HECW2: variants seen among roughly 807,000 people sequenced by gnomAD.
The protein encoded by HECW2 is HECT, C2 and WW domain containing E3 ubiquitin protein ligase 2.
In HECW2, 61 loss-of-function variants were observed where a neutral mutation model predicts 175.2. The observed-to-expected ratio is 0.35, with a 90% CI of 0.28 to 0.43. The LOEUF (loss-of-function observed/expected upper bound fraction) is 0.43. Ranked by LOEUF, HECW2 falls within the 20% of genes least tolerant of loss-of-function variation. The pLI is 1.00. For missense variants in HECW2, 1,524 were observed against 2,000.5 expected (o/e 0.76, Z 4.54); for synonymous variants, 671 against 731.0 (o/e 0.92, Z 1.32).
rs78557183 is a variant in HECW2 at position 196,480,729 on chromosome 2, G to A, written c.-35-47271C>T. ...TCTTATACTTGAAATTTTCAGTGAC[G>A]TGAGTAAAAAATATTCTCTTCTTGC... is the stretch of plus-strand genomic sequence containing the variant. On this transcript the variant is annotated intron_variant, in intron 1 of 28. Coordinates refer to ENST00000644978, the MANE Select transcript of HECW2 (RefSeq NM_001348768.2). 3.5e-3 allele frequency among the ~76,000 whole-genome samples: 531 copies of A among 152,260 alleles called. 3 individuals carry two copies. Among genetic ancestry groups the A allele is most frequent in the African/African-American group, 0.012 (504 of 41,550 alleles).
chr2:196,278,429 A>G (rs1690059540), intron 15 of HECW2, 99 bp downstream of exon 15: 4 of 1,373,846 alleles, frequency 2.9e-6, no homozygotes, highest in Middle Eastern at 2.5e-4. Flanking sequence ...AAAAAAAAAA[A>G]GAAAAAATGC....
intron 1 of HECW2, among the ~76,000 whole-genome samples, chr2:196,490,720 G>A (rs916629525): frequency 1.2e-4 from 18 of 152,134 alleles, no homozygotes; most frequent in Admixed American, 2.0e-4. Context: ...CCATGAACTG[G>A]TGAATGATTA....
intron 2 of HECW2, among the ~76,000 whole-genome samples, chr2:196,385,682 C>A (rs1341335374): frequency 6.6e-6 from 1 of 152,158 alleles, no homozygotes; most frequent in Admixed American, 6.5e-5. Flanking sequence ...CTTGTTCAGA[C>A]CAGTCATGGT....
chr2:196,510,398 T>TC (rs1463086308), intron 1 of HECW2, among the ~76,000 whole-genome samples: 3 of 152,158 alleles, frequency 2.0e-5, no homozygotes, highest in Non-Finnish European at 4.4e-5. Flanking sequence ...GGCAAGAATT[T>TC]CATAGTCTTA....
chr2:196,359,145 A>C (rs1174725042), intron 2 of HECW2, among the ~76,000 whole-genome samples: 1 of 152,092 alleles, frequency 6.6e-6, no homozygotes, highest in African/African-American at 2.4e-5. Context: ...TCTTTCCTCT[A>C]ATTATTTAAA....
chr2:196,389,135 A>G (rs1694434237), intron 2 of HECW2, among the ~76,000 whole-genome samples: 2 of 152,162 alleles, frequency 1.3e-5, no homozygotes, highest in African/African-American at 4.8e-5. Context: ...CTTTTCACCC[A>G]TATCTGGTTT....
intron 26 of HECW2, chr2:196,217,424 T>C: frequency 4.7e-6 from 1 of 214,318 alleles, no homozygotes; most frequent in African/African-American, 2.3e-5. Flanking sequence ...CTTAACTCTT[T>C]CGGTCATTCA....
intron 1 of HECW2, among the ~76,000 whole-genome samples, chr2:196,592,016 G>A (rs1691215708): frequency 6.6e-6 from 1 of 152,158 alleles, no homozygotes; most frequent in Non-Finnish European, 1.5e-5. Context: ...GGGAATAGGA[G>A]AAATAGTAAA....
chr2:196,392,307 T>C (rs1393145071), intron 2 of HECW2, among the ~76,000 whole-genome samples: 1 of 152,170 alleles, frequency 6.6e-6, no homozygotes, highest in Non-Finnish European at 1.5e-5. Flanking sequence ...CTTCCTAACA[T>C]AGCACTCTAT....
At chr2:196,394,820 T>C (rs1469568262) in intron 2 of HECW2, among the ~76,000 whole-genome samples, 1 of 152,228 alleles carries the variant, frequency 6.6e-6, no homozygotes, top group Non-Finnish European at 1.5e-5. Flanking sequence ...AGTTGGACCA[T>C]GTCTTAGTCC....
chr2:196,502,552 A>T (rs565875366), intron 1 of HECW2, among the ~76,000 whole-genome samples: 1 of 152,306 alleles, frequency 6.6e-6, no homozygotes, highest in South Asian at 2.1e-4. Context: ...TGCACACTCC[A>T]ATGTGACTGA....
intron 1 of HECW2, among the ~76,000 whole-genome samples, chr2:196,464,116 T>C (rs553093401): frequency 6.6e-6 from 1 of 152,212 alleles, no homozygotes; most frequent in East Asian, 1.9e-4. Context: ...GCGGCCATTA[T>C]CATCTCAACT....
intron 2 of HECW2, among the ~76,000 whole-genome samples, chr2:196,432,128 C>A (rs1695731328): frequency 6.6e-6 from 1 of 152,068 alleles, no homozygotes; most frequent in Non-Finnish European, 1.5e-5. Context: ...GTTGTGACAA[C>A]CAAAAATGTC....
At chr2:196,219,950 T>C (rs1687607903) in intron 26 of HECW2, 89 bp downstream of exon 26, 1 of 807,282 alleles carries the variant, frequency 1.2e-6, no homozygotes, top group Admixed American at 2.0e-5. Context: ...CCAAGTGCTG[T>C]TGCCTGTCCT....
intron 1 of HECW2, among the ~76,000 whole-genome samples, chr2:196,450,731 T>C (rs551898538): frequency 6.6e-6 from 1 of 152,212 alleles, no homozygotes; most frequent in East Asian, 1.9e-4. Flanking sequence ...TCCACCCGCC[T>C]CAGCCTCCCA....
At chr2:196,258,083 G>T (rs374374840) in intron 17 of HECW2, 177 bp from the exon 18 acceptor site, 6 of 563,192 alleles carry the variant, frequency 1.1e-5, no homozygotes, top group South Asian at 4.6e-5. Flanking sequence ...GCCTTCAAGG[G>T]GGGGGATCTT....
intron 1 of HECW2, among the ~76,000 whole-genome samples, chr2:196,582,103 TTA>T (rs1470663402): frequency 4.2e-5 from 6 of 143,434 alleles, no homozygotes; most frequent in African/African-American, 1.8e-4. Context: ...TAAATTATCC[TTA>T]CCCTGAAGAA....
At chr2:196,206,384 T>C (rs1258826355) in intron 28 of HECW2, among the ~76,000 whole-genome samples, 2 of 152,198 alleles carry the variant, frequency 1.3e-5, no homozygotes, top group African/African-American at 2.4e-5. Flanking sequence ...AAAATGTTAA[T>C]CAGGAGGTCA....
intron 1 of HECW2, among the ~76,000 whole-genome samples, chr2:196,497,282 G>A (rs1237376211): frequency 1.3e-5 from 2 of 152,080 alleles, no homozygotes; most frequent in African/African-American, 4.8e-5. Flanking sequence ...GATTCCTAAA[G>A]CAAACAAATC....
Sources: gnomAD v4.1 joint callset for allele counts (sites outside exome capture counted in the v4.1 genomes callset) on GRCh38, gnomAD v4.1.1 for gene constraint, MANE v1.5 for transcripts, NCBI Gene and HGNC (gene_info 2026-07-23, HGNC 2026-07-21) for gene names.